KIRREL3: variants seen among roughly 807,000 people sequenced by gnomAD.
KIRREL3 encodes the protein kin of IRRE-like protein 3.
Under a neutral mutation model 89.7 loss-of-function variants are expected in KIRREL3, and 36 were observed. The observed-to-expected ratio is 0.40, with a 90% CI of 0.31 to 0.53. The LOEUF (loss-of-function observed/expected upper bound fraction) is 0.53, where lower values mean the gene tolerates loss of function less well. Ranked by LOEUF, KIRREL3 falls within the 20% of genes least tolerant of loss-of-function variation. The pLI is 0.49. For missense variants in KIRREL3, 864 were observed against 1,056.6 expected (o/e 0.82, Z 2.53); for synonymous variants, 445 against 441.4 (o/e 1.01, Z -0.10).
intron 2 of KIRREL3, among the ~76,000 whole-genome samples, chr11:126,552,881 T>A (rs1293122929): frequency 1.3e-5 from 2 of 151,688 alleles, no homozygotes; most frequent in African/African-American, 2.4e-5. Flanking sequence ...CTTTTTTTTT[T>A]AGCTGAGTTG....
chr11:126,583,767 A>C (rs543183106), intron 1 of KIRREL3, among the ~76,000 whole-genome samples: 76 of 152,180 alleles, frequency 5.0e-4, no homozygotes, highest in Non-Finnish European at 8.2e-4. Context: ...GACTCCCTAA[A>C]TGGAGGCTCC....
intron 1 of KIRREL3, among the ~76,000 whole-genome samples, chr11:126,671,254 G>A (rs1225958837): frequency 7.3e-6 from 1 of 136,556 alleles, no homozygotes; most frequent in African/African-American, 2.8e-5. Flanking sequence ...TTTTTTTTGA[G>A]TCGAGGTCTT....
chr11:126,524,073 T>G (rs1958675382), intron 3 of KIRREL3, among the ~76,000 whole-genome samples: 2 of 152,122 alleles, frequency 1.3e-5, no homozygotes, highest in Admixed American at 6.5e-5. Context: ...TTACTTAGAG[T>G]CTGGGTTCTA....
chr11:126,939,488 G>A (rs1372102957), intron 1 of KIRREL3, among the ~76,000 whole-genome samples: 1 of 152,144 alleles, frequency 6.6e-6, no homozygotes, highest in Non-Finnish European at 1.5e-5. Flanking sequence ...CTGCTGAGAG[G>A]CTACCTTATT....
rs1380118205 is a variant in KIRREL3 at position 126,544,836 on chromosome 11, T to G, written c.133+17999A>C. On this transcript the variant is annotated intron_variant, in intron 2 of 16. Coordinates refer to ENST00000525144, the MANE Select transcript of KIRREL3 (RefSeq NM_032531.4). The surrounding 1 kb of genome is among the most constrained non-coding windows in gnomAD (Gnocchi z 5.6). ...ACTTGGCCGACATTCCTGGCCTTAA[T>G]CTGCTTGAGCAAAGTCTGTCTTTGT... Among the ~76,000 whole-genome samples the G allele has an allele frequency of 6.6e-6, 1 of 152,190 alleles. No homozygotes were observed.
chr11:126,831,882 A>G (rs1316187175), intron 1 of KIRREL3, among the ~76,000 whole-genome samples: 4 of 152,186 alleles, frequency 2.6e-5, no homozygotes, highest in African/African-American at 9.7e-5. Flanking sequence ...GAGCATTTGG[A>G]ATGTCTCATT....
At chr11:126,712,462 C>CT (rs1947800423) in intron 1 of KIRREL3, among the ~76,000 whole-genome samples, 1 of 152,248 alleles carries the variant, frequency 6.6e-6, no homozygotes, top group Non-Finnish European at 1.5e-5. Flanking sequence ...CCCCTGCCGC[C>CT]TGCTCCACCT....
rs1307295903 is a variant in KIRREL3 at position 126,897,172 on chromosome 11, A to T, written c.55+103283T>A. Among the ~76,000 whole-genome samples, 1 of 152,126 alleles carries T rather than the reference A, an allele frequency of 6.6e-6. No homozygotes were observed. Among genetic ancestry groups the T allele is most frequent in the African/African-American group, 2.4e-5 (1 of 41,420 alleles). On this transcript the variant is annotated intron_variant, in intron 1 of 16. Transcript: ENST00000525144. This position sits in a 1 kb window ranked among gnomAD's most constrained non-coding sequence, Gnocchi z 4.2. ...TGGTCACCCTGGGTCAGAGGAGCAC[A>T]GGTGGTCCCATGGGGAAGGGCAGCA... is the stretch of plus-strand genomic sequence containing the variant.
chr11:126,780,346 T>A lies in KIRREL3; in HGVS notation c.56-217434A>T, dbSNP rs1042985532. On this transcript the variant is annotated intron_variant, in intron 1 of 16. Coordinates refer to ENST00000525144, the MANE Select transcript of KIRREL3 (RefSeq NM_032531.4). This position sits in a 1 kb window ranked among gnomAD's most constrained non-coding sequence, Gnocchi z 5.3. Reference sequence around the variant, plus strand: ...TTAGCTTTTTACTGAATGTAATTAATGACATTGTGGCTTTAAATAAAAACC... The same window carrying A: ...TTAGCTTTTTACTGAATGTAATTAAAGACATTGTGGCTTTAAATAAAAACC... 6.6e-6 allele frequency among the ~76,000 whole-genome samples: 1 copy of A among 152,208 alleles called. No homozygotes were observed. The highest frequency in any genetic ancestry group is 1.5e-5 in the Non-Finnish European group (1 of 68,048).
chr11:126,634,866 C>A (rs1399012991), intron 1 of KIRREL3, among the ~76,000 whole-genome samples: 1 of 152,160 alleles, frequency 6.6e-6, no homozygotes, highest in Non-Finnish European at 1.5e-5. Context: ...TTCCACTAAG[C>A]CTCACTGCCT....
At chr11:126,654,205 C>T (rs1303311548) in intron 1 of KIRREL3, among the ~76,000 whole-genome samples, 1 of 152,182 alleles carries the variant, frequency 6.6e-6, no homozygotes, top group Non-Finnish European at 1.5e-5. Context: ...GGAAGACCTC[C>T]ACTGGGGACA....
rs182453069 is a variant in KIRREL3, at chr11:126,748,302, C to A, written c.56-185390G>T. Reference sequence around the variant, plus strand: ...CTTCAGCGGCAGAAGACAGTGTAAGCCCCAGGAAACTGTGACAGCAATAAA... The same window carrying A: ...CTTCAGCGGCAGAAGACAGTGTAAGACCCAGGAAACTGTGACAGCAATAAA... On this transcript the variant is annotated intron_variant, in intron 1 of 16. Coordinates refer to ENST00000525144, the MANE Select transcript of KIRREL3 (RefSeq NM_032531.4). This position sits in a 1 kb window ranked among gnomAD's most constrained non-coding sequence, Gnocchi z 4.6. Among the ~76,000 whole-genome samples the A allele has an allele frequency of 2.1e-3, 322 of 152,280 alleles. No individual in the cohort carries two copies. The highest frequency in any genetic ancestry group is 7.6e-3 in the African/African-American group (314 of 41,554).
chr11:126,542,539 A>T (rs993610590), intron 2 of KIRREL3, among the ~76,000 whole-genome samples: 43 of 152,276 alleles, frequency 2.8e-4, no homozygotes, highest in African/African-American at 9.6e-4. Context: ...CACTCAACCC[A>T]AGGGTGGGGC....
In KIRREL3 at chr11:126,558,137, G is replaced by GC. The variant is rs531195627; in HGVS notation, c.133+4697dup. Among the ~76,000 whole-genome samples, 1 of 152,146 alleles carries GC rather than the reference G, an allele frequency of 6.6e-6. No homozygotes were observed. The highest frequency in any genetic ancestry group is 1.5e-5 in the Non-Finnish European group (1 of 68,030). Reference sequence around the variant, plus strand: ...GAGGGAGGAGTACCCTCCTGTGCAGGCCCCCCTCTGCCCCAAGGGGATGGC... The same window carrying GC: ...GAGGGAGGAGTACCCTCCTGTGCAGGCCCCCCCTCTGCCCCAAGGGGATGGC... On this transcript the variant is annotated intron_variant, in intron 2 of 16. Transcript: ENST00000525144. This position sits in a 1 kb window ranked among gnomAD's most constrained non-coding sequence, Gnocchi z 4.0.
rs1948693429 is a variant in KIRREL3 at position 126,948,784 on chromosome 11, C to T, written c.55+51671G>A. On this transcript the variant is annotated intron_variant, in intron 1 of 16. Coordinates refer to ENST00000525144, the MANE Select transcript of KIRREL3 (RefSeq NM_032531.4). The surrounding 1 kb of genome is among the most constrained non-coding windows in gnomAD (Gnocchi z 4.5). The stretch of plus-strand genomic sequence containing the variant: ...GTTAGTTCAACTCCAGCAAGGCAGA[C>T]AGCTGGATATGGGGAGGAGTTCAGA... Among the ~76,000 whole-genome samples, 1 of 152,146 alleles carries T rather than the reference C, an allele frequency of 6.6e-6. No individual in the cohort carries two copies. The highest frequency in any genetic ancestry group is 1.5e-5 in the Non-Finnish European group (1 of 68,034).
chr11:126,912,518 T>C lies in KIRREL3; in HGVS notation c.55+87937A>G, dbSNP rs1368018417. 6.6e-6 allele frequency among the ~76,000 whole-genome samples: 1 copy of C among 152,120 alleles called. No individual in the cohort carries two copies. Among genetic ancestry groups the C allele is most frequent in the Non-Finnish European group, 1.5e-5 (1 of 68,016 alleles). On this transcript the variant is annotated intron_variant, in intron 1 of 16. Transcript: ENST00000525144. The surrounding 1 kb of genome is among the most constrained non-coding windows in gnomAD (Gnocchi z 4.7). Reference sequence around the variant, plus strand: ...GGCATCAACCAAGAACATATCACACTCACCTACAAAACAAGCAACCCACCA... The same window carrying C: ...GGCATCAACCAAGAACATATCACACCCACCTACAAAACAAGCAACCCACCA...
rs1207714760 is a variant in KIRREL3, at chr11:126,764,360, G to A, written c.56-201448C>T. ...TGGAAAAAAAAAATGACAGCATTGG[G>A]CTGACACCTGCATCGAATGGAAGCT... On this transcript the variant is annotated intron_variant, in intron 1 of 16. Transcript: ENST00000525144. The surrounding 1 kb of genome is among the most constrained non-coding windows in gnomAD (Gnocchi z 4.2). 6.6e-6 allele frequency among the ~76,000 whole-genome samples: 1 copy of A among 152,176 alleles called. No individual in the cohort carries two copies. Among genetic ancestry groups the A allele is most frequent in the African/African-American group, 2.4e-5 (1 of 41,432 alleles).
At position 126,990,342 on chromosome 11, in the gene KIRREL3, G is replaced by A. The variant is rs1452364819; in HGVS notation, c.55+10113C>T. Reference sequence around the variant, plus strand: ...AAACACTCCACCCTCACACCCTGCAGAATCAGGAGAGAGGAACCCGCCTCC... The same window carrying A: ...AAACACTCCACCCTCACACCCTGCAAAATCAGGAGAGAGGAACCCGCCTCC... On this transcript the variant is annotated intron_variant, in intron 1 of 16. Coordinates refer to ENST00000525144, the MANE Select transcript of KIRREL3 (RefSeq NM_032531.4). The surrounding 1 kb of genome is among the most constrained non-coding windows in gnomAD (Gnocchi z 6.3). Among the ~76,000 whole-genome samples, 1 of 152,122 alleles carries A rather than the reference G, an allele frequency of 6.6e-6. No homozygotes were observed. The highest frequency in any genetic ancestry group is 1.5e-5 in the Non-Finnish European group (1 of 68,024).
At chr11:126,625,127 C>A (rs117719009) in intron 1 of KIRREL3, among the ~76,000 whole-genome samples, 2,715 of 152,292 alleles carry the variant, frequency 0.018, 41 homozygotes, top group Non-Finnish European at 0.024. Flanking sequence ...CTAATCTTAA[C>A]AGCGTCTACC....
Sources: allele counts gnomAD v4.1 joint callset (sites outside exome capture counted in the v4.1 genomes callset), GRCh38; gene constraint gnomAD v4.1.1; non-coding constraint Gnocchi (gnomAD v3.1); transcripts MANE v1.5; gene names NCBI Gene and HGNC (gene_info 2026-07-23, HGNC 2026-07-21).